Variants in MESD observed in about 807,000 individuals in gnomAD.
The protein encoded by MESD is LRP chaperone MESD.
In MESD, 7 loss-of-function variants were observed where a neutral mutation model predicts 12.9. The observed-to-expected ratio is 0.54, with a 90% CI of 0.31 to 1.02. The LOEUF is 1.02. Ranked by LOEUF, MESD falls within the 50% of genes least tolerant of loss-of-function variation. The pLI, the probability that MESD is intolerant of heterozygous loss-of-function variation, is 0.05. For missense variants in MESD, 342 were observed against 296.7 expected (o/e 1.15, Z -1.12); for synonymous variants, 126 against 115.6 (o/e 1.09, Z -0.58).
At chr15:80,968,095 C>T (rs1902210017) in intron 3 of MESD, among the ~76,000 whole-genome samples, 1 of 152,246 alleles carries the variant, frequency 6.6e-6, no homozygotes, top group Admixed American at 6.5e-5. Flanking sequence ...AAACTGCAGT[C>T]TCCTGCAGAC....
In MESD at chr15:80,978,242, G is replaced by C. The variant is rs187017455; in HGVS notation, c.*977C>G. 7.9e-5 allele frequency: 12 copies of C among 152,142 alleles called. No homozygotes were observed. Among genetic ancestry groups the C allele is most frequent in the Admixed American group, 3.9e-4 (6 of 15,290 alleles). The allele number at this position is 152,142 out of a possible 1,614,324, so 9.4% of individuals were successfully genotyped here. A position where few individuals can be genotyped will look rare whatever the true frequency, so the allele number is the denominator to read the frequency against. ...TTTAATTTATTAAAATCACAATTGA[G>C]GGTTTTTCCCAAAGAATTTTAGTTC... On this transcript the variant is annotated 3_prime_UTR_variant, in exon 3 of 3. Transcript: ENST00000261758.
exon 4 of MESD, chr15:80,952,020 A>C: frequency 2.8e-6 from 1 of 354,698 alleles, no homozygotes; most frequent in Non-Finnish European, 5.6e-6. Context: ...AAGAAAGAGA[A>C]GATATCATTC....
At chr15:80,951,432 A>ACTT (rs1395431281) in intron 4 of MESD, 1 of 152,578 alleles carries the variant, frequency 6.6e-6, no homozygotes, top group Non-Finnish European at 1.5e-5. Flanking sequence ...TGTTTGTAAG[A>ACTT]CTTAAGTGAG....
At chr15:80,972,479 G>C (rs114812025), downstream of MESD, among the ~76,000 whole-genome samples, 849 of 152,320 alleles carry the variant, frequency 5.6e-3, 3 homozygotes, top group African/African-American at 0.019. Context: ...GAGGGTGGGA[G>C]AGCAGGGCAG....
chr15:80,984,083 T>C (rs1174449348), intron 1 of MESD, among the ~76,000 whole-genome samples: 2 of 152,016 alleles, frequency 1.3e-5, no homozygotes, highest in Non-Finnish European at 2.9e-5. Flanking sequence ...GTATTTTTAG[T>C]AGAGACGGGG....
chr15:80,989,117 T>C (rs956088254), intron 1 of MESD, among the ~76,000 whole-genome samples: 1 of 152,116 alleles, frequency 6.6e-6, no homozygotes, highest in African/African-American at 2.4e-5. Context: ...AGAAGACAGC[T>C]GAGATAACCA....
At chr15:80,946,519 CCTCT>C (rs1325699848), downstream of MESD, 2 of 186,706 alleles carry the variant, frequency 1.1e-5, no homozygotes, top group African/African-American at 4.7e-5. Flanking sequence ...TCCCGCACCT[CCTCT>C]CTTTCTCTTC....
In MESD at chr15:80,982,177, A is replaced by G. The variant is rs773084778; in HGVS notation, c.219T>C (p.Asp73=). The G allele has an allele frequency of 8.1e-6, 13 of 1,613,344 alleles. No individual in the cohort carries two copies. The highest frequency in any genetic ancestry group is 1.7e-6 in the Non-Finnish European group (2 of 1,179,410). The change falls in exon 2 of 3, where the codon GAT becomes GAC. Residue 73 remains aspartate, a synonymous_variant. Transcript: ENST00000261758. ...MARLLEQWEK[D]DDIEEGDLPE... ...GAAGATCTCCTTCTTCAATGTCATC[A>G]TCTTTCTATCAGATTAGGGGAAAAG...
chr15:80,985,895 T>C (rs573540355), intron 1 of MESD, among the ~76,000 whole-genome samples: 1 of 152,106 alleles, frequency 6.6e-6, no homozygotes, highest in African/African-American at 2.4e-5. Context: ...GCTCGAAGGA[T>C]TCACCCGCCT....
Position 80,982,182 on chromosome 15 carries a change from T to C in MESD, c.214A>G (p.Lys72Glu). 2 of 1,612,822 alleles carry C rather than the reference T, an allele frequency of 1.2e-6. No individual in the cohort carries two copies. The highest frequency in any genetic ancestry group is 1.7e-6 in the Non-Finnish European group (2 of 1,178,968). ...DMARLLEQWE[K>E]DDDIEEGDLP... ...TCTCCTTCTTCAATGTCATCATCTT[T>C]CTATCAGATTAGGGGAAAAGCATCA... The change falls in exon 2 of 3, where the codon AAA becomes GAA. Residue 72 changes from lysine (K) to glutamate (E), a missense_variant and splice_region_variant. Physicochemically the swap from Lys to Glu is moderately conservative, Grantham distance 56. Transcript: ENST00000261758.
At chr15:80,985,540 A>G (rs1376254285) in intron 1 of MESD, among the ~76,000 whole-genome samples, 1 of 151,716 alleles carries the variant, frequency 6.6e-6, no homozygotes, top group Admixed American at 6.6e-5. Flanking sequence ...TCTTTAAAAC[A>G]CTTCAAGACT....
intron 1 of MESD, among the ~76,000 whole-genome samples, chr15:80,986,680 G>T (rs116316483): frequency 6.6e-6 from 1 of 152,146 alleles, no homozygotes; most frequent in Admixed American, 6.5e-5. Flanking sequence ...GAGGCAGAGC[G>T]GGGGGCCAGG....
chr15:80,988,152 A>G (rs78562488), intron 1 of MESD, among the ~76,000 whole-genome samples: 8,004 of 152,234 alleles, frequency 0.053, 720 homozygotes, highest in African/African-American at 0.18. Context: ...TGGCTCTAAA[A>G]GTCGCGAAAG....
intron 1 of MESD, among the ~76,000 whole-genome samples, chr15:80,986,691 G>C (rs975269982): frequency 3.3e-5 from 5 of 152,152 alleles, no homozygotes; most frequent in Admixed American, 3.3e-4. Context: ...GGGGGCCAGG[G>C]ACAAGTCAGG....
At chr15:80,952,400 CATTTAAATTA>C in intron 3 of MESD, 1 of 289,300 alleles carries the variant, frequency 3.5e-6, no homozygotes, top group Non-Finnish European at 6.9e-6. Flanking sequence ...GGGCTACCTA[CATTTAAATTA>C]ATTTAAATTA....
rs774919462 is a variant in MESD at position 80,989,568 on chromosome 15, G to T, written c.213+11C>A. ...AGAGAAGAGCCGGGAGGGTGTGCGC[G>T]CGCCGCGGACCTCCCATTGCTCCAG... On this transcript the variant is annotated intron_variant, in intron 1 of 2. Coordinates refer to ENST00000261758, the MANE Select transcript of MESD (RefSeq NM_015154.3). 2 of 1,611,362 alleles carry T rather than the reference G, an allele frequency of 1.2e-6. No homozygotes were observed. Among genetic ancestry groups the T allele is most frequent in the South Asian group, 1.1e-5 (1 of 90,968 alleles).
chr15:80,966,284 T>C lies in MESD; in HGVS notation c.*288+12647A>G, dbSNP rs552472708. The stretch of plus-strand genomic sequence containing the variant: ...AGAGCATGGGTATGAAGATGCTCAT[T>C]GTAGCATTATTTATAATGACTTGAC... On this transcript the variant is annotated intron_variant, in intron 3 of 4. Transcript: ENST00000561312. Among the ~76,000 whole-genome samples, 6 of 152,330 alleles carry C rather than the reference T, an allele frequency of 3.9e-5. No individual in the cohort carries two copies. The South Asian group carries it at 1.2e-3, about 32-fold the overall frequency.
chr15:80,974,460 G>C (rs1401867606), downstream of MESD, among the ~76,000 whole-genome samples: 5 of 151,964 alleles, frequency 3.3e-5, no homozygotes, highest in Admixed American at 1.3e-4. Flanking sequence ...CAATCCTGGG[G>C]GAAAATATAA....
At chr15:80,955,870 C>A (rs1050534360) in intron 3 of MESD, among the ~76,000 whole-genome samples, 1 of 152,048 alleles carries the variant, frequency 6.6e-6, no homozygotes, top group African/African-American at 2.4e-5. Flanking sequence ...GATCCACCCA[C>A]CTCGGCCTCC....
Sources: gnomAD v4.1 joint callset for allele counts (sites outside exome capture counted in the v4.1 genomes callset) on GRCh38, gnomAD v4.1.1 for gene constraint, MANE v1.5 for transcripts, NCBI Gene and HGNC (gene_info 2026-07-23, HGNC 2026-07-21) for gene names.